TTC28: variants seen among roughly 807,000 people sequenced by gnomAD.
The protein encoded by TTC28 is tetratricopeptide repeat protein 28.
Under a neutral mutation model 198.0 loss-of-function variants are expected in TTC28, and 61 were observed. The observed-to-expected ratio is 0.31, with a 90% CI of 0.25 to 0.38. The LOEUF (loss-of-function observed/expected upper bound fraction) is 0.38, where lower values mean the gene tolerates loss of function less well. Ranked by LOEUF, TTC28 falls within the 10% of genes least tolerant of loss-of-function variation. The pLI is 1.00. For missense variants in TTC28, 2,678 were observed against 3,164.0 expected (o/e 0.85, Z 3.69); for synonymous variants, 1,171 against 1,297.8 (o/e 0.90, Z 2.10).
intron 6 of TTC28, among the ~76,000 whole-genome samples, chr22:28,141,526 G>A (rs559658231): frequency 3.3e-5 from 5 of 152,070 alleles, no homozygotes; most frequent in Non-Finnish European, 7.4e-5. Flanking sequence ...ACTGCATTAT[G>A]TCATAATTCT....
At chr22:28,095,111 G>A (rs767697793) in intron 11 of TTC28, among the ~76,000 whole-genome samples, 6 of 151,956 alleles carry the variant, frequency 3.9e-5, no homozygotes, top group Non-Finnish European at 1.5e-5. Flanking sequence ...GTGTCCTCAC[G>A]AGTATCAGTA....
chr22:28,502,313 T>C (rs1416628172), intron 2 of TTC28, among the ~76,000 whole-genome samples: 4 of 151,860 alleles, frequency 2.6e-5, no homozygotes. Flanking sequence ...AGCAACACAG[T>C]AGGAATCGTG....
intron 2 of TTC28, among the ~76,000 whole-genome samples, chr22:28,429,594 CT>C (rs1394010326): frequency 6.6e-6 from 1 of 152,136 alleles, no homozygotes; most frequent in Non-Finnish European, 1.5e-5. Flanking sequence ...GCACCTTTGT[CT>C]CCCATCTAGA....
At chr22:28,346,034 A>G (rs2045897993) in intron 2 of TTC28, among the ~76,000 whole-genome samples, 2 of 152,226 alleles carry the variant, frequency 1.3e-5, no homozygotes. Context: ...AACAAACATT[A>G]TCAAATGTCA....
At chr22:28,323,102 AT>A (rs1219861127) in intron 2 of TTC28, among the ~76,000 whole-genome samples, 1 of 152,164 alleles carries the variant, frequency 6.6e-6, no homozygotes, top group Non-Finnish European at 1.5e-5. Flanking sequence ...GGGCATGGAC[AT>A]TTTTGGGGTG....
intron 5 of TTC28, among the ~76,000 whole-genome samples, chr22:28,242,363 T>C (rs1929718762): frequency 6.6e-6 from 1 of 152,224 alleles, no homozygotes; most frequent in Non-Finnish European, 1.5e-5. Flanking sequence ...AAAAAAGCTC[T>C]TGTTTCTCTA....
At chr22:28,650,941 A>C (rs1169332575) in intron 1 of TTC28, among the ~76,000 whole-genome samples, 1 of 152,224 alleles carries the variant, frequency 6.6e-6, no homozygotes, top group African/African-American at 2.4e-5. Flanking sequence ...GGTGTGAGTC[A>C]AATCTAGCCT....
At chr22:28,140,396 A>G (rs1180640901) in intron 6 of TTC28, among the ~76,000 whole-genome samples, 2 of 152,166 alleles carry the variant, frequency 1.3e-5, no homozygotes, top group African/African-American at 2.4e-5. Flanking sequence ...TCTTTAAAGA[A>G]GCTTTTAATG....
At chr22:28,438,986 C>A (rs2047569139) in intron 2 of TTC28, among the ~76,000 whole-genome samples, 1 of 151,972 alleles carries the variant, frequency 6.6e-6, no homozygotes, top group Non-Finnish European at 1.5e-5. Context: ...AAATGAGTGA[C>A]AAAATATTCT....
chr22:28,256,551 T>C (rs1930933657), intron 5 of TTC28, among the ~76,000 whole-genome samples: 2 of 152,096 alleles, frequency 1.3e-5, no homozygotes, highest in Admixed American at 1.3e-4. Context: ...AATGACATTA[T>C]TCACAGAAAT....
rs150029591 is a variant in TTC28 at position 28,340,168 on chromosome 22, C to T, written c.382-33525G>A. On this transcript the variant is annotated intron_variant, in intron 2 of 22. Coordinates refer to ENST00000397906, the MANE Select transcript of TTC28 (RefSeq NM_001145418.2). ...GGGCTGGTCCTACCCTTATTATGGACGAGTTACATGAACCTCAATTACTTT... is the reference window on the plus strand; with the variant it reads ...GGGCTGGTCCTACCCTTATTATGGATGAGTTACATGAACCTCAATTACTTT... 3.7e-4 allele frequency among the ~76,000 whole-genome samples: 56 copies of T among 152,228 alleles called. No homozygotes were observed. In the East Asian group the frequency reaches 7.0e-3, roughly 19 times the overall value.
At chr22:28,034,307 G>A (rs1939245839) in intron 12 of TTC28, among the ~76,000 whole-genome samples, 1 of 152,166 alleles carries the variant, frequency 6.6e-6, no homozygotes, top group Admixed American at 6.5e-5. Flanking sequence ...CAGCTGCTCA[G>A]GACTGGCAAG....
intron 3 of TTC28, among the ~76,000 whole-genome samples, chr22:28,302,823 C>T (rs544307675): frequency 2.0e-5 from 3 of 152,036 alleles, no homozygotes; most frequent in African/African-American, 7.2e-5. Flanking sequence ...TACAGGTGCC[C>T]GAGCCTATGT....
chr22:28,263,924 G>C (rs1931500815), intron 5 of TTC28, among the ~76,000 whole-genome samples: 1 of 152,138 alleles, frequency 6.6e-6, no homozygotes, highest in African/African-American at 2.4e-5. Flanking sequence ...ATGGTGACTT[G>C]TTGGTAGATT....
chr22:28,470,600 T>A (rs1821384836), intron 2 of TTC28, among the ~76,000 whole-genome samples: 2 of 152,236 alleles, frequency 1.3e-5, no homozygotes, highest in East Asian at 1.9e-4. Flanking sequence ...TGTAACTTTA[T>A]TTTTATCCAA....
At chr22:28,244,243 T>C (rs1193998598) in intron 5 of TTC28, among the ~76,000 whole-genome samples, 1 of 151,970 alleles carries the variant, frequency 6.6e-6, no homozygotes, top group Non-Finnish European at 1.5e-5. Flanking sequence ...AGTAGATCTC[T>C]AGGAGAAGAA....
rs565729435 is a variant in TTC28, at chr22:28,104,251, G to T, written c.3307+1028C>A. ...AGGATCTTGTATGGTTTCTGGGTTG[G>T]AAAACTCGGGCTGGGCCCTACTCCT... On this transcript the variant is annotated intron_variant, in intron 8 of 22. Coordinates refer to ENST00000397906, the MANE Select transcript of TTC28 (RefSeq NM_001145418.2). Among the ~76,000 whole-genome samples, 7 of 152,276 alleles carry T rather than the reference G, an allele frequency of 4.6e-5. No individual in the cohort carries two copies. In the South Asian group the frequency reaches 1.5e-3, roughly 32 times the overall value.
intron 2 of TTC28, among the ~76,000 whole-genome samples, chr22:28,479,224 C>T (rs1286931563): frequency 6.6e-6 from 1 of 152,170 alleles, no homozygotes; most frequent in Non-Finnish European, 1.5e-5. Flanking sequence ...TGCAGAGTAG[C>T]AAGCTAACCC....
intron 2 of TTC28, among the ~76,000 whole-genome samples, chr22:28,456,580 AT>A (rs925346197): frequency 4.0e-5 from 6 of 150,414 alleles, no homozygotes; most frequent in Non-Finnish European, 7.4e-5. Flanking sequence ...TTCTCTCATA[AT>A]TTTTTTTTTC....
Sources: allele counts gnomAD v4.1 joint callset (sites outside exome capture counted in the v4.1 genomes callset), GRCh38; gene constraint gnomAD v4.1.1; transcripts MANE v1.5; gene names NCBI Gene and HGNC (gene_info 2026-07-23, HGNC 2026-07-21).